The following SORCS2 variants were observed in gnomAD, a reference collection of about 807,000 sequenced individuals.
SORCS2 encodes VPS10 domain-containing receptor SorCS2.
Under a neutral mutation model 141.6 loss-of-function variants are expected in SORCS2, and 100 were observed. That is an observed-to-expected ratio of 0.71 (90% CI 0.60 to 0.83). The LOEUF is 0.83. Ranked by LOEUF, SORCS2 falls within the 40% of genes least tolerant of loss-of-function variation. SORCS2 has a pLI of 0.00. For missense variants in SORCS2, 1,646 were observed against 1,560.2 expected, an observed-to-expected ratio of 1.05 and a Z score of -0.93; for synonymous variants, 789 against 676.9, an observed-to-expected ratio of 1.17 and a Z score of -2.57.
chr4:7,270,381 C>T (rs1418110621), intron 1 of SORCS2, among the ~76,000 whole-genome samples: 1 of 152,256 alleles, frequency 6.6e-6, no homozygotes, highest in Non-Finnish European at 1.5e-5. Flanking sequence ...CTGCGCTGGT[C>T]CTGTCTAAAC....
chr4:7,701,060 C>T (rs1233467552), intron 12 of SORCS2, among the ~76,000 whole-genome samples: 1 of 152,210 alleles, frequency 6.6e-6, no homozygotes, highest in African/African-American at 2.4e-5. Context: ...TCCTGCAAGT[C>T]CCTGATGGGC....
intron 3 of SORCS2, among the ~76,000 whole-genome samples, chr4:7,569,572 T>C (rs1030863886): frequency 1.3e-5 from 2 of 152,196 alleles, no homozygotes; most frequent in Non-Finnish European, 2.9e-5. Context: ...GTGTGTACAA[T>C]ATGCCCATTT....
At chr4:7,726,648 C>A in intron 20 of SORCS2, 132 bp from the exon 21 acceptor site, 1 of 1,206,212 alleles carries the variant, frequency 8.3e-7, no homozygotes, top group Non-Finnish European at 1.1e-6. Flanking sequence ...ACAGGATGTC[C>A]ATAATGGGCC....
intron 1 of SORCS2, among the ~76,000 whole-genome samples, chr4:7,197,079 T>C (rs1252361333): frequency 6.6e-6 from 1 of 152,166 alleles, no homozygotes; most frequent in Non-Finnish European, 1.5e-5. Context: ...AAGTCAGAGA[T>C]CAAGGTATTG....
intron 2 of SORCS2, among the ~76,000 whole-genome samples, chr4:7,429,948 G>A (rs1009110984): frequency 6.6e-6 from 1 of 152,152 alleles, no homozygotes; most frequent in African/African-American, 2.4e-5. Flanking sequence ...CCAGCTCCTG[G>A]AGCCATGCCC....
rs574536889 is a variant in SORCS2, at chr4:7,608,486, C to T, written c.649-29842C>T. Among the ~76,000 whole-genome samples, 13 of 152,348 alleles carry T rather than the reference C, an allele frequency of 8.5e-5. No homozygotes were observed. The South Asian group carries it at 2.7e-3, about 32-fold the overall frequency. ...CCTTGTTTCCCAGGACAACACCTGG[C>T]ATGTAGCTGTCACTGAAAAATATCA... On this transcript the variant is annotated intron_variant, in intron 3 of 26. Transcript: ENST00000507866.
chr4:7,260,912 G>T (rs915576012), intron 1 of SORCS2, among the ~76,000 whole-genome samples: 5 of 152,228 alleles, frequency 3.3e-5, no homozygotes, highest in African/African-American at 1.2e-4. Flanking sequence ...GGGACACCGA[G>T]GCTCAGAGAG....
At chr4:7,615,148 C>CTCAT (rs112636992) in intron 3 of SORCS2, among the ~76,000 whole-genome samples, 361 of 152,326 alleles carry the variant, frequency 2.4e-3, no homozygotes, top group African/African-American at 7.1e-3. Context: ...CATCCATTCA[C>CTCAT]TCATTCATTC....
chr4:7,412,495 GC>G (rs1477440209), intron 2 of SORCS2, among the ~76,000 whole-genome samples: 5 of 152,276 alleles, frequency 3.3e-5, no homozygotes, highest in African/African-American at 1.2e-4. Flanking sequence ...CAGCTTCCTA[GC>G]CCATAAGATC....
intron 1 of SORCS2, among the ~76,000 whole-genome samples, chr4:7,320,544 G>A (rs1718833120): frequency 6.6e-6 from 1 of 152,262 alleles, no homozygotes; most frequent in South Asian, 2.1e-4. Context: ...GATGGCTGGT[G>A]TGACAGCTGA....
Position 7,667,122 on chromosome 4 carries a change from A to G in SORCS2, c.1072-2A>G, listed in dbSNP as rs368031642. 4 of 1,611,936 alleles carry G rather than the reference A, an allele frequency of 2.5e-6. No homozygotes were observed. The African/African-American group carries it at 5.3e-5, about 22-fold the overall frequency. ...CAAAAATGTGTTTCTTCCCCCGGTT[A>G]GGCAACATCAGCAAACCAGACAAAA... On this transcript the variant is annotated splice_acceptor_variant, in intron 7 of 26. Transcript: ENST00000507866. LOFTEE classifies it high-confidence loss of function.
intron 4 of SORCS2, among the ~76,000 whole-genome samples, chr4:7,641,650 A>G (rs1720732628): frequency 1.3e-5 from 2 of 152,206 alleles, no homozygotes; most frequent in African/African-American, 4.8e-5. Flanking sequence ...ATTTTAATCT[A>G]AAGTGCCCGG....
intron 9 of SORCS2, among the ~76,000 whole-genome samples, chr4:7,680,135 C>T (rs555879771): frequency 2.0e-5 from 3 of 152,316 alleles, no homozygotes; most frequent in African/African-American, 2.4e-5. Context: ...GCACATTCCC[C>T]GGGCCTCCCT....
intron 3 of SORCS2, among the ~76,000 whole-genome samples, chr4:7,568,145 T>G (rs534855128): frequency 1.7e-4 from 26 of 152,234 alleles, no homozygotes; most frequent in African/African-American, 6.0e-4. Context: ...CTAGGCAACA[T>G]CCCTAATTAT....
intron 1 of SORCS2, among the ~76,000 whole-genome samples, chr4:7,376,031 A>C (rs12503600): frequency 0.7 from 106,334 of 152,088 alleles, 37,473 homozygotes; most frequent in East Asian, 0.94. Flanking sequence ...TGATACAAAC[A>C]CATAAGCTAG....
intron 1 of SORCS2, among the ~76,000 whole-genome samples, chr4:7,302,145 G>A (rs1717476546): frequency 2.0e-5 from 3 of 152,238 alleles, no homozygotes; most frequent in African/African-American, 7.2e-5. Context: ...GGTCTCATCC[G>A]TGATACCTGA....
At chr4:7,713,958 G>C (rs1726002668) in intron 15 of SORCS2, among the ~76,000 whole-genome samples, 1 of 152,240 alleles carries the variant, frequency 6.6e-6, no homozygotes, top group African/African-American at 2.4e-5. Flanking sequence ...GAGGGGACGA[G>C]GGGAACCTCA....
At chr4:7,541,712 A>G (rs4339212) in intron 3 of SORCS2, among the ~76,000 whole-genome samples, 23,777 of 152,268 alleles carry the variant, frequency 0.16, 1,922 homozygotes, top group African/African-American at 0.2. Context: ...GACCAGAGGC[A>G]CAGCCAGGCT....
intron 3 of SORCS2, among the ~76,000 whole-genome samples, chr4:7,637,778 G>A (rs1406995467): frequency 6.6e-6 from 1 of 152,016 alleles, no homozygotes; most frequent in East Asian, 1.9e-4. Context: ...GCTGAGTTGG[G>A]GGTGAACCTG....
Sources: gnomAD v4.1 joint callset for allele counts (sites outside exome capture counted in the v4.1 genomes callset) on GRCh38, gnomAD v4.1.1 for gene constraint, MANE v1.5 for transcripts, NCBI Gene and HGNC (gene_info 2026-07-23, HGNC 2026-07-21) for gene names.